The following TMTC2 variants were observed in gnomAD, a reference collection of about 807,000 sequenced individuals.
TMTC2 encodes transmembrane O-mannosyltransferase targeting cadherins 2.
Under a neutral mutation model 82.4 loss-of-function variants are expected in TMTC2, and 43 were observed. The ratio of observed to expected loss-of-function variants is 0.52; its 90% CI spans 0.41 to 0.67. The LOEUF is 0.67. Among genes scored for constraint, TMTC2 ranks in the 30% least tolerant of loss-of-function variants. TMTC2 has a pLI of 0.00. For missense variants in TMTC2, 919 were observed against 1,012.4 expected (o/e 0.91, Z 1.25); for synonymous variants, 408 against 381.9 (o/e 1.07, Z -0.80).
At chr12:82,764,579 T>A (rs576940586) in intron 1 of TMTC2, among the ~76,000 whole-genome samples, 35 of 152,302 alleles carry the variant, frequency 2.3e-4, no homozygotes, top group African/African-American at 7.9e-4. Context: ...AAAGATACTT[T>A]ATTAAAAGAC....
intron 1 of TMTC2, among the ~76,000 whole-genome samples, chr12:82,730,799 T>G (rs1232594865): frequency 1.3e-5 from 2 of 152,216 alleles, no homozygotes; most frequent in African/African-American, 4.8e-5. Flanking sequence ...CGAATTCCAA[T>G]GGACACACTA....
chr12:83,099,415 T>G (rs756933570), intron 11 of TMTC2, among the ~76,000 whole-genome samples: 16 of 152,238 alleles, frequency 1.1e-4, no homozygotes, highest in Admixed American at 4.6e-4. Flanking sequence ...CACTTTGCAT[T>G]TTAAATGTAC....
chr12:82,962,557 T>C (rs1032062314), intron 4 of TMTC2, among the ~76,000 whole-genome samples: 7 of 152,078 alleles, frequency 4.6e-5, no homozygotes, highest in African/African-American at 1.7e-4. Flanking sequence ...AATGACTGTG[T>C]TAATTACAAA....
intron 11 of TMTC2, among the ~76,000 whole-genome samples, chr12:83,107,766 T>C (rs924507855): frequency 5.3e-5 from 2 of 37,398 alleles, no homozygotes; most frequent in African/African-American, 2.0e-4. Context: ...TGCCCCATCC[T>C]TATGACCCCC....
intron 7 of TMTC2, among the ~76,000 whole-genome samples, chr12:82,984,999 A>G (rs879700072): frequency 1.8e-5 from 2 of 110,342 alleles, no homozygotes; most frequent in Admixed American, 1.1e-4. Flanking sequence ...GATTTTCCAA[A>G]TGAAACTGGT....
chr12:83,060,002 A>T lies in TMTC2; in HGVS notation c.2268-1766A>T, dbSNP rs370228899. 4.6e-5 allele frequency among the ~76,000 whole-genome samples: 7 copies of T among 151,832 alleles called. No homozygotes were observed. In the East Asian group the frequency reaches 9.7e-4, roughly 21 times the overall value. On this transcript the variant is annotated intron_variant, in intron 10 of 11. Coordinates refer to ENST00000321196, the MANE Select transcript of TMTC2 (RefSeq NM_152588.3). ...TAATGAATTCTGGTTCAGATTTCCAAATGAATCTGTACCAAATTGATTCTA... is the reference window on the plus strand; with the variant it reads ...TAATGAATTCTGGTTCAGATTTCCATATGAATCTGTACCAAATTGATTCTA...
chr12:82,847,445 G>A (rs1190917712), intron 1 of TMTC2, among the ~76,000 whole-genome samples: 1 of 152,062 alleles, frequency 6.6e-6, no homozygotes, highest in Non-Finnish European at 1.5e-5. Context: ...CCATTACTGG[G>A]TATATACCCA....
At chr12:83,042,458 T>G (rs980258229) in intron 9 of TMTC2, among the ~76,000 whole-genome samples, 1 of 152,186 alleles carries the variant, frequency 6.6e-6, no homozygotes, top group African/African-American at 2.4e-5. Flanking sequence ...CTGAAGATAG[T>G]TTGAAGCCCA....
At chr12:82,893,657 GCTTCT>G (rs1202214113) in intron 2 of TMTC2, among the ~76,000 whole-genome samples, 1 of 151,316 alleles carries the variant, frequency 6.6e-6, no homozygotes, top group African/African-American at 2.4e-5. Context: ...CTATTCTTTT[GCTTCT>G]CTTATTTTAT....
At chr12:82,891,723 G>C (rs551869457) in intron 2 of TMTC2, among the ~76,000 whole-genome samples, 1 of 152,108 alleles carries the variant, frequency 6.6e-6, no homozygotes, top group East Asian at 1.9e-4. Context: ...AAGTTCCTGG[G>C]TACATGTGCA....
chr12:82,954,068 T>C (rs1877486457), intron 4 of TMTC2, among the ~76,000 whole-genome samples: 2 of 152,116 alleles, frequency 1.3e-5, no homozygotes. Flanking sequence ...AAACTCATTC[T>C]TGGTAATATA....
At chr12:82,705,720 C>T (rs1478107939) in intron 1 of TMTC2, among the ~76,000 whole-genome samples, 1 of 152,136 alleles carries the variant, frequency 6.6e-6, no homozygotes, top group Non-Finnish European at 1.5e-5. Flanking sequence ...ATGCCTTCAG[C>T]TCATGCCATC....
At chr12:82,896,992 A>G (rs1274796847) in intron 3 of TMTC2, among the ~76,000 whole-genome samples, 1 of 152,198 alleles carries the variant, frequency 6.6e-6, no homozygotes, top group Non-Finnish European at 1.5e-5. Context: ...CTCTTTTATC[A>G]TATAATAAAA....
At chr12:82,836,640 A>T (rs1592561951) in intron 1 of TMTC2, among the ~76,000 whole-genome samples, 1 of 152,136 alleles carries the variant, frequency 6.6e-6, no homozygotes, top group Non-Finnish European at 1.5e-5. Context: ...TGGACTTATG[A>T]CCTCCAGAAT....
At chr12:83,063,172 G>A (rs1882802874) in intron 11 of TMTC2, among the ~76,000 whole-genome samples, 1 of 151,722 alleles carries the variant, frequency 6.6e-6, no homozygotes, top group Admixed American at 6.6e-5. Flanking sequence ...AGAAAGTCCT[G>A]TTTGTTCTTC....
chr12:82,807,226 G>T (rs12320296), intron 1 of TMTC2, among the ~76,000 whole-genome samples: 3,665 of 152,166 alleles, frequency 0.024, 136 homozygotes, highest in African/African-American at 0.084. Context: ...TTTACCCAGG[G>T]TTCCTTTAAT....
chr12:82,933,841 A>G (rs766870661), intron 4 of TMTC2, among the ~76,000 whole-genome samples: 2 of 152,174 alleles, frequency 1.3e-5, no homozygotes, highest in Non-Finnish European at 2.9e-5. Context: ...AAAGTAAGCA[A>G]TAGTATGAGT....
chr12:82,966,449 GGATGGA>G (rs1479946561), intron 6 of TMTC2, among the ~76,000 whole-genome samples: 2 of 152,002 alleles, frequency 1.3e-5, no homozygotes, highest in East Asian at 3.9e-4. Context: ...TATACTATAA[GGATGGA>G]GATACAACTT....
chr12:83,013,269 T>C (rs1219055871), intron 8 of TMTC2, among the ~76,000 whole-genome samples: 2 of 152,200 alleles, frequency 1.3e-5, no homozygotes, highest in Non-Finnish European at 2.9e-5. Flanking sequence ...GTTATTATTA[T>C]TTTAAAACAT....
Sources: allele counts gnomAD v4.1 joint callset (sites outside exome capture counted in the v4.1 genomes callset), GRCh38; gene constraint gnomAD v4.1.1; transcripts MANE v1.5; gene names NCBI Gene and HGNC (gene_info 2026-07-23, HGNC 2026-07-21).